Variants in EDN1 observed in about 807,000 individuals in gnomAD.
The protein encoded by EDN1 is endothelin 1.
EDN1 carries 11 observed loss-of-function variants against 21.7 expected under a neutral mutation model. The observed-to-expected ratio is 0.51, with a 90% CI of 0.32 to 0.84. The LOEUF (loss-of-function observed/expected upper bound fraction) is 0.84, where lower values mean the gene tolerates loss of function less well. EDN1 is among the 40% of genes least tolerant of loss of function. EDN1 has a pLI of 0.03. For missense variants in EDN1, 244 were observed against 262.3 expected, an observed-to-expected ratio of 0.93 and a Z score of 0.48; for synonymous variants, 85 against 90.6, an observed-to-expected ratio of 0.94 and a Z score of 0.35.
the EDN1 span, among the ~76,000 whole-genome samples, chr6:12,241,586 G>A: frequency 3.3e-5 from 5 of 152,112 alleles, no homozygotes; most frequent in African/African-American, 4.8e-5. Flanking sequence ...AAAAAAGTAC[G>A]GGTCTGTGTT....
upstream of EDN1, among the ~76,000 whole-genome samples, chr6:12,289,397 T>A (rs1233998825): frequency 1.3e-5 from 2 of 152,112 alleles, no homozygotes; most frequent in Non-Finnish European, 2.9e-5. Context: ...CTCCTTCCTA[T>A]GTTAGGCAAC....
At chr6:12,244,268 C>G in the EDN1 span, among the ~76,000 whole-genome samples, 1 of 151,958 alleles carries the variant, frequency 6.6e-6, no homozygotes, top group Non-Finnish European at 1.5e-5. Context: ...CATGATTTTG[C>G]CAGGTAATGC....
At position 12,290,543 on chromosome 6, in the gene EDN1, C is replaced by A; in HGVS notation, c.-87C>A. On this transcript the variant is annotated 5_prime_UTR_variant, in exon 1 of 5. Coordinates refer to ENST00000379375, the MANE Select transcript of EDN1 (RefSeq NM_001955.5). ...ATCGCTTTGAGATCTGAGGAACCCG[C>A]AGCGCTTTGAGGGACCTGAAGCTGT... The A allele has an allele frequency of 9.0e-7, 1 of 1,108,248 alleles. No individual in the cohort carries two copies. The highest frequency in any genetic ancestry group is 1.4e-6 in the Non-Finnish European group (1 of 726,528). The allele number at this position is 1,108,248 out of a possible 1,614,324, so 68.7% of individuals were successfully genotyped here. A position where few individuals can be genotyped will look rare whatever the true frequency, so the allele number is the denominator to read the frequency against.
chr6:12,292,119 C>T (rs565238031), intron 1 of EDN1, among the ~76,000 whole-genome samples: 1 of 152,220 alleles, frequency 6.6e-6, no homozygotes, highest in Admixed American at 6.5e-5. Context: ...TGTAATCTCC[C>T]TGAAGGTGGA....
the EDN1 span, among the ~76,000 whole-genome samples, chr6:12,272,072 A>G: frequency 4.6e-5 from 7 of 152,252 alleles, no homozygotes; most frequent in African/African-American, 1.7e-4. Context: ...AGGACAATAC[A>G]TAGTTGGAGA....
chr6:12,253,101 C>G, the EDN1 span, among the ~76,000 whole-genome samples: 1 of 152,122 alleles, frequency 6.6e-6, no homozygotes, highest in African/African-American at 2.4e-5. Flanking sequence ...TAACCCCACA[C>G]ACTCAAAGGA....
the EDN1 span, among the ~76,000 whole-genome samples, chr6:12,231,483 A>G: frequency 6.6e-6 from 1 of 152,240 alleles, no homozygotes; most frequent in Admixed American, 6.5e-5. Context: ...AGCTTTGACT[A>G]TTAAACATTA....
chr6:12,278,278 G>A, the EDN1 span, among the ~76,000 whole-genome samples: 1 of 152,038 alleles, frequency 6.6e-6, no homozygotes, highest in African/African-American at 2.4e-5. Flanking sequence ...TAAGCTTATT[G>A]AATATTCTTC....
rs78971976 is a variant in EDN1 at position 12,294,986 on chromosome 6, G to T, written c.533+582G>T. ...TGCAGAGCCAATGTCATTCCAAAAA[G>T]CTCTCTCTTTTCCTGGTCAGTCATG... On this transcript the variant is annotated intron_variant, in intron 4 of 4. Coordinates refer to ENST00000379375, the MANE Select transcript of EDN1 (RefSeq NM_001955.5). Among the ~76,000 whole-genome samples the T allele has an allele frequency of 5.1e-3, 661 of 128,644 alleles. 3 individuals are homozygous for T. The highest frequency in any genetic ancestry group is 0.03 in the South Asian group (114 of 3,798). 84.4% of individuals were successfully genotyped at this position (128,644 alleles called of 152,430 possible).
At chr6:12,277,892 G>C in the EDN1 span, among the ~76,000 whole-genome samples, 2 of 152,194 alleles carry the variant, frequency 1.3e-5, no homozygotes, top group Admixed American at 6.5e-5. Context: ...TCTTCCCATG[G>C]CTCCAGAACC....
At chr6:12,281,028 C>T in the EDN1 span, among the ~76,000 whole-genome samples, 2 of 152,172 alleles carry the variant, frequency 1.3e-5, no homozygotes, top group Non-Finnish European at 2.9e-5. Flanking sequence ...ACATTTTCTC[C>T]ACTGCCTACT....
chr6:12,287,712 TCACACACACACACACACA>T (rs66467626), upstream of EDN1, among the ~76,000 whole-genome samples: 17 of 103,050 alleles, frequency 1.6e-4, no homozygotes, highest in South Asian at 3.7e-4. Context: ...TCTCTCTCTC[TCACACACACACACACACA>T]CACACACACA....
the EDN1 span, among the ~76,000 whole-genome samples, chr6:12,285,045 C>T: frequency 6.6e-6 from 1 of 152,126 alleles, no homozygotes; most frequent in Non-Finnish European, 1.5e-5. Context: ...CTGGCTATCA[C>T]ATTTTTCTGA....
At position 12,292,395 on chromosome 6, in the gene EDN1, C is replaced by T. The variant is rs149399492; in HGVS notation, c.119C>T (p.Thr40Ile). The change falls in exon 2 of 5, where the codon ACT becomes ATT. Residue 40 changes from threonine to isoleucine, a missense_variant. Thr to Ile is a moderately conservative substitution (Grantham distance 89). Transcript: ENST00000379375. ...AVGENGGEKPTPSPPWRLRRS... is the reference protein window; with the variant it reads ...AVGENGGEKPIPSPPWRLRRS... The stretch of plus-strand genomic sequence containing the variant: ...GGTGAGAACGGCGGGGAGAAACCCA[C>T]TCCCAGTCCACCCTGGCGGCTCCGC... 279 of 1,614,048 alleles carry T rather than the reference C, an allele frequency of 1.7e-4. No individual in the cohort carries two copies. Among genetic ancestry groups the T allele is most frequent in the Middle Eastern group, 1.5e-3 (9 of 6,062 alleles).
At chr6:12,294,828 T>C (rs1290401643) in intron 4 of EDN1, among the ~76,000 whole-genome samples, 2 of 151,706 alleles carry the variant, frequency 1.3e-5, no homozygotes, top group African/African-American at 4.8e-5. Context: ...AATTCTTCAA[T>C]AAGTTGCAGT....
the EDN1 span, among the ~76,000 whole-genome samples, chr6:12,263,434 G>A: frequency 3.6e-4 from 55 of 152,192 alleles, no homozygotes; most frequent in Admixed American, 3.6e-3. Context: ...ATTCACCCAA[G>A]ATCTGGTTTT....
At chr6:12,257,121 C>T in the EDN1 span, among the ~76,000 whole-genome samples, 1 of 152,154 alleles carries the variant, frequency 6.6e-6, no homozygotes, top group Admixed American at 6.5e-5. Flanking sequence ...AACAAACTTA[C>T]TCTAAGAAAA....
At chr6:12,290,074 C>T (rs1762633476), upstream of EDN1, among the ~76,000 whole-genome samples, 1 of 152,156 alleles carries the variant, frequency 6.6e-6, no homozygotes, top group Non-Finnish European at 1.5e-5. Context: ...GGGCTGGCAG[C>T]TTGCAAAGGG....
the EDN1 span, among the ~76,000 whole-genome samples, chr6:12,234,054 A>G: frequency 6.6e-6 from 1 of 152,232 alleles, no homozygotes; most frequent in African/African-American, 2.4e-5. Context: ...CAGAGAGGCC[A>G]GGAGCCCACC....
Sources: gnomAD v4.1 joint callset for allele counts (sites outside exome capture counted in the v4.1 genomes callset) on GRCh38, gnomAD v4.1.1 for gene constraint, MANE v1.5 for transcripts, NCBI Gene and HGNC (gene_info 2026-07-23, HGNC 2026-07-21) for gene names.